The following FHIT variants were observed in gnomAD, a reference collection of about 807,000 sequenced individuals.
FHIT encodes bis(5'-adenosyl)-triphosphatase.
FHIT carries 19 observed loss-of-function variants against 17.9 expected under a neutral mutation model. The ratio of observed to expected loss-of-function variants is 1.06; its 90% confidence interval spans 0.74 to 1.56. The LOEUF (loss-of-function observed/expected upper bound fraction) is 1.56. FHIT is among the 40% of genes most tolerant of loss of function. The pLI, the probability that FHIT is intolerant of heterozygous loss-of-function variation, is 0.00. For synonymous variants in FHIT, 81 were observed against 69.7 expected, an observed-to-expected ratio of 1.16 and a Z score of -0.81; for missense variants, 248 against 189.2, an observed-to-expected ratio of 1.31 and a Z score of -1.82.
At chr3:59,908,853 T>TTTTTTTTTTTTTTTTTTGAGACGG (rs1271629999) in intron 8 of FHIT, among the ~76,000 whole-genome samples, 1 of 150,712 alleles carries the variant, frequency 6.6e-6, no homozygotes, top group Non-Finnish European at 1.5e-5. Context: ...CATTTTTTAA[T>TTTTTTTTTTTTTTTTTTGAGACGG]AGTCCAACTG....
intron 3 of FHIT, among the ~76,000 whole-genome samples, chr3:60,905,650 A>G (rs1287730257): frequency 6.6e-6 from 1 of 152,216 alleles, no homozygotes; most frequent in Non-Finnish European, 1.5e-5. Flanking sequence ...CTACTATTCA[A>G]CTGTAATAAG....
At chr3:60,148,560 T>C (rs994552380) in intron 5 of FHIT, among the ~76,000 whole-genome samples, 4 of 152,196 alleles carry the variant, frequency 2.6e-5, no homozygotes, top group Non-Finnish European at 5.9e-5. Flanking sequence ...GTTGGATAGA[T>C]GTGTTAAGGG....
At position 61,188,320 on chromosome 3, in the gene FHIT, T is replaced by C. The variant is rs139785908; in HGVS notation, c.-164+12297A>G. 5.1e-3 allele frequency among the ~76,000 whole-genome samples: 775 copies of C among 152,306 alleles called. 5 individuals carry two copies. The highest frequency in any genetic ancestry group is 0.014 in the Middle Eastern group (4 of 294). On this transcript the variant is annotated intron_variant, in intron 2 of 9. Transcript: ENST00000492590. ...TATAAACACCTCTATGCAAATAAAC[T>C]AGAAAATCTAGAAGAATTTGATAAA...
chr3:59,820,791 G>C (rs1700759543), intron 8 of FHIT, among the ~76,000 whole-genome samples: 1 of 152,280 alleles, frequency 6.6e-6, no homozygotes, highest in Non-Finnish European at 1.5e-5. Context: ...GGTGGTGATG[G>C]GGGTCTGAGT....
In FHIT at chr3:60,919,478, G is replaced by T. The variant is rs570613214; in HGVS notation, c.-110-97467C>A. Among the ~76,000 whole-genome samples the T allele has an allele frequency of 5.3e-5, 8 of 151,352 alleles. No individual in the cohort carries two copies. The South Asian group carries it at 1.5e-3, about 28-fold the overall frequency. On this transcript the variant is annotated intron_variant, in intron 3 of 9. Coordinates refer to ENST00000492590, the MANE Select transcript of FHIT (RefSeq NM_002012.4). ...GATGACTCACAAAATACTCAAATAG[G>T]GTAATCTGCAGAAATGCTTAGAAAG...
chr3:61,209,107 T>C (rs4688353), intron 1 of FHIT, among the ~76,000 whole-genome samples: 11,387 of 152,150 alleles, frequency 0.075, 1,143 homozygotes, highest in East Asian at 0.4. Flanking sequence ...AAATGCTGGG[T>C]TGAAAATTCT....
rs72107416 is a variant in FHIT at position 61,239,762 on chromosome 3, C to CATATATATATATATAT, written c.-213+11523_-213+11538dup. On this transcript the variant is annotated intron_variant, in intron 1 of 9. Coordinates refer to ENST00000492590, the MANE Select transcript of FHIT (RefSeq NM_002012.4). Reference sequence around the variant, plus strand: ...AAAACTGCAAAGAAAAACAACTGGCCATATATATATATATATATATATACA... The same window carrying CATATATATATATATAT: ...AAAACTGCAAAGAAAAACAACTGGCCATATATATATATATATATATATATATATATATATATATACA... Among the ~76,000 whole-genome samples the CATATATATATATATAT allele has an allele frequency of 9.1e-3, 980 of 108,194 alleles. 49 individuals are homozygous for CATATATATATATATAT. The highest frequency in any genetic ancestry group is 0.036 in the Admixed American group (360 of 10,042). The allele number at this position is 108,194 out of a possible 152,430, so 71.0% of individuals were successfully genotyped here.
At chr3:59,850,862 G>C (rs142534414) in intron 8 of FHIT, among the ~76,000 whole-genome samples, 7 of 152,298 alleles carry the variant, frequency 4.6e-5, no homozygotes, top group African/African-American at 1.7e-4. Flanking sequence ...GGTAGAGGTG[G>C]TGATCCTGGC....
intron 4 of FHIT, among the ~76,000 whole-genome samples, chr3:60,615,367 C>T (rs775060333): frequency 2.6e-5 from 4 of 152,144 alleles, no homozygotes; most frequent in Non-Finnish European, 2.9e-5. Flanking sequence ...ATGTAGGAAA[C>T]GTGATTCCGT....
chr3:59,982,638 G>A lies in FHIT; in HGVS notation c.279+28733C>T, dbSNP rs140181879. 4.2e-4 allele frequency among the ~76,000 whole-genome samples: 64 copies of A among 152,252 alleles called. No homozygotes were observed. In the East Asian group the frequency reaches 7.9e-3, roughly 19 times the overall value. Reference sequence around the variant, plus strand: ...CTGTGCTCAATTTCCGGTATATGCCGTACTTGCAGAAAGGGATGAAGTTCT... The same window carrying A: ...CTGTGCTCAATTTCCGGTATATGCCATACTTGCAGAAAGGGATGAAGTTCT... On this transcript the variant is annotated intron_variant, in intron 7 of 9. Transcript: ENST00000492590.
chr3:60,440,640 A>G (rs1051379594), intron 5 of FHIT, among the ~76,000 whole-genome samples: 3 of 152,076 alleles, frequency 2.0e-5, no homozygotes, highest in Non-Finnish European at 4.4e-5. Flanking sequence ...CAAATTTCCA[A>G]TCCAAACTAT....
chr3:60,097,433 C>T (rs17062204), intron 5 of FHIT, among the ~76,000 whole-genome samples: 5 of 152,080 alleles, frequency 3.3e-5, no homozygotes, highest in African/African-American at 1.2e-4. Context: ...CCCAGTTTTC[C>T]AAGACAGACT....
intron 5 of FHIT, among the ~76,000 whole-genome samples, chr3:60,183,889 A>G (rs1357191414): frequency 6.6e-6 from 1 of 152,176 alleles, no homozygotes; most frequent in Non-Finnish European, 1.5e-5. Flanking sequence ...GAGTTCCCAT[A>G]TATGCCACAC....
At chr3:59,870,939 T>C (rs1559683417) in intron 8 of FHIT, among the ~76,000 whole-genome samples, 1 of 152,030 alleles carries the variant, frequency 6.6e-6, no homozygotes. Context: ...CTACTGTAAA[T>C]GACTACTACA....
At chr3:59,848,459 T>C (rs1328201561) in intron 8 of FHIT, among the ~76,000 whole-genome samples, 1 of 152,150 alleles carries the variant, frequency 6.6e-6, no homozygotes, top group Non-Finnish European at 1.5e-5. Flanking sequence ...TCACAGACCT[T>C]TAATAGCTCT....
chr3:60,445,981 G>A (rs568830619), intron 5 of FHIT, among the ~76,000 whole-genome samples: 1 of 152,074 alleles, frequency 6.6e-6, no homozygotes, highest in South Asian at 2.1e-4. Context: ...GTGTTTCTTG[G>A]AAGACCTAAT....
intron 4 of FHIT, among the ~76,000 whole-genome samples, chr3:60,800,123 A>C (rs561585026): frequency 2.9e-4 from 44 of 152,200 alleles, no homozygotes; most frequent in Non-Finnish European, 6.0e-4. Context: ...GCCCACTCAG[A>C]TCCTTTATTC....
chr3:60,051,067 G>A lies in FHIT; in HGVS notation c.104-36915C>T, dbSNP rs184931702. ...AAAGGAGAAGTAATTATAACACGGG[G>A]CATCAATGCTCTGCTAAAGTAAGGA... is the stretch of plus-strand genomic sequence containing the variant. On this transcript the variant is annotated intron_variant, in intron 5 of 9. Coordinates refer to ENST00000492590, the MANE Select transcript of FHIT (RefSeq NM_002012.4). Among the ~76,000 whole-genome samples the A allele has an allele frequency of 3.5e-4, 53 of 152,244 alleles. 1 individual carries two copies. In the South Asian group the frequency reaches 0.011, roughly 30 times the overall value.
intron 4 of FHIT, among the ~76,000 whole-genome samples, chr3:60,674,402 C>G (rs1236502777): frequency 1.3e-5 from 2 of 152,002 alleles, no homozygotes; most frequent in African/African-American, 2.4e-5. Flanking sequence ...AAGTCTGTTT[C>G]TATTTATTGC....
Sources: allele counts gnomAD v4.1 joint callset (sites outside exome capture counted in the v4.1 genomes callset), GRCh38; gene constraint gnomAD v4.1.1; transcripts MANE v1.5; gene names NCBI Gene and HGNC (gene_info 2026-07-23, HGNC 2026-07-21).